MAF: variants seen among roughly 807,000 people sequenced by gnomAD.
The protein encoded by MAF is MAF bZIP transcription factor.
A neutral mutation model predicts 22.0 loss-of-function variants in MAF; 10 were observed. The ratio of observed to expected loss-of-function variants is 0.45; its 90% CI spans 0.28 to 0.77. The LOEUF is 0.77. Among genes scored for constraint, MAF ranks in the 30% least tolerant of loss-of-function variants. MAF has a pLI of 0.12. For synonymous variants in MAF, 337 were observed against 255.8 expected, an observed-to-expected ratio of 1.32 and a Z score of -3.03; for missense variants, 544 against 548.4, an observed-to-expected ratio of 0.99 and a Z score of 0.08.
the MAF span, among the ~76,000 whole-genome samples, chr16:79,457,693 G>A: frequency 2.6e-5 from 4 of 152,220 alleles, no homozygotes; most frequent in South Asian, 8.3e-4. Context: ...TACAGAATCA[G>A]TTAGTTTACA....
At chr16:79,502,726 T>TATATAC in the MAF span, among the ~76,000 whole-genome samples, 1 of 101,644 alleles carries the variant, frequency 9.8e-6, no homozygotes, top group Non-Finnish European at 1.8e-5. Flanking sequence ...TATATATATA[T>TATATAC]ATATATATAT....
chr16:79,429,006 T>C, the MAF span, among the ~76,000 whole-genome samples: 2 of 152,080 alleles, frequency 1.3e-5, no homozygotes, highest in Non-Finnish European at 2.9e-5. Context: ...CTGGAAATAG[T>C]TCATTTCGAG....
the MAF span, among the ~76,000 whole-genome samples, chr16:79,553,448 T>G: frequency 6.6e-6 from 1 of 152,234 alleles, no homozygotes; most frequent in Admixed American, 6.5e-5. Flanking sequence ...AGATGCCTGC[T>G]TTTGGGGGAG....
the MAF span, among the ~76,000 whole-genome samples, chr16:79,507,953 G>A: frequency 3.3e-5 from 5 of 152,114 alleles, no homozygotes; most frequent in South Asian, 2.1e-4. Flanking sequence ...TTCTTTTTAA[G>A]TGGGGGAAAG....
At chr16:79,454,675 C>A in the MAF span, among the ~76,000 whole-genome samples, 1 of 152,180 alleles carries the variant, frequency 6.6e-6, no homozygotes, top group African/African-American at 2.4e-5. Flanking sequence ...CACACCTGTT[C>A]TTTCAAACAT....
chr16:79,526,357 G>A, the MAF span, among the ~76,000 whole-genome samples: 3 of 152,176 alleles, frequency 2.0e-5, no homozygotes, highest in African/African-American at 4.8e-5. Context: ...GTGCACCTAT[G>A]AGAATCTGAT....
the MAF span, among the ~76,000 whole-genome samples, chr16:79,307,379 C>G: frequency 4.3e-4 from 65 of 152,308 alleles, no homozygotes; most frequent in East Asian, 0.012. Context: ...AGGCACAGCC[C>G]GGGTCCCTGG....
At chr16:79,470,260 C>T in the MAF span, among the ~76,000 whole-genome samples, 1 of 152,200 alleles carries the variant, frequency 6.6e-6, no homozygotes, top group African/African-American at 2.4e-5. Context: ...CTCTGAACCC[C>T]AACACTTGCC....
chr16:79,526,639 C>CG, the MAF span, among the ~76,000 whole-genome samples: 1 of 151,996 alleles, frequency 6.6e-6, no homozygotes, highest in Non-Finnish European at 1.5e-5. Flanking sequence ...AACAGGCTTT[C>CG]CGGGGCAAAA....
chr16:79,570,011 C>CTTTTTT, the MAF span, among the ~76,000 whole-genome samples: 4 of 116,958 alleles, frequency 3.4e-5, no homozygotes, highest in Non-Finnish European at 7.1e-5. Flanking sequence ...TGTCTTTGTT[C>CTTTTTT]TTTTTTTTTT....
the MAF span, among the ~76,000 whole-genome samples, chr16:79,288,483 A>C: frequency 6.6e-6 from 1 of 152,152 alleles, no homozygotes; most frequent in Non-Finnish European, 1.5e-5. Flanking sequence ...GAGTCATCAC[A>C]GTTTAGCTCC....
the MAF span, among the ~76,000 whole-genome samples, chr16:79,272,014 G>A: frequency 1.3e-5 from 2 of 152,088 alleles, no homozygotes; most frequent in Non-Finnish European, 2.9e-5. Flanking sequence ...AAATAGGTCC[G>A]TTCACACAAA....
At chr16:79,374,361 T>G in the MAF span, among the ~76,000 whole-genome samples, 1 of 152,216 alleles carries the variant, frequency 6.6e-6, no homozygotes, top group Non-Finnish European at 1.5e-5. Context: ...ATGAGCTCTG[T>G]AGAATTTTCC....
the MAF span, among the ~76,000 whole-genome samples, chr16:79,502,455 C>A: frequency 6.6e-6 from 1 of 151,914 alleles, no homozygotes; most frequent in African/African-American, 2.4e-5. Context: ...GGCTTGAGGT[C>A]ACAAATTCGA....
At chr16:79,307,585 C>T in the MAF span, among the ~76,000 whole-genome samples, 15 of 152,188 alleles carry the variant, frequency 9.9e-5, no homozygotes, top group African/African-American at 3.4e-4. Context: ...GAGTTCACTG[C>T]TACCCTTTAC....
the MAF span, among the ~76,000 whole-genome samples, chr16:79,220,535 A>C: frequency 2.4e-4 from 36 of 152,330 alleles, no homozygotes; most frequent in African/African-American, 7.9e-4. Flanking sequence ...TATCTAGCGA[A>C]CAGATAGATA....
rs1442977457 is a variant in MAF, at chr16:79,600,286, T to C, written c.-384A>G. 3 of 220,424 alleles carry C rather than the reference T, an allele frequency of 1.4e-5. No homozygotes were observed. Among genetic ancestry groups the C allele is most frequent in the Non-Finnish European group, 1.9e-5 (2 of 103,846 alleles). The allele number at this position is 220,424 out of a possible 1,614,324, so 13.7% of individuals were successfully genotyped here. A position where few individuals can be genotyped will look rare whatever the true frequency, so the allele number is the denominator to read the frequency against. ...GAGGAGCCCGGCCCGGTGCGCGGCGTCCCCCGCTCGCCGCTCCGCTGCGCG... is the reference window on the plus strand; with the variant it reads ...GAGGAGCCCGGCCCGGTGCGCGGCGCCCCCCGCTCGCCGCTCCGCTGCGCG... On this transcript the variant is annotated 5_prime_UTR_variant, in exon 1 of 2. Coordinates refer to ENST00000326043, the MANE Select transcript of MAF (RefSeq NM_005360.5).
chr16:79,466,646 A>C, the MAF span, among the ~76,000 whole-genome samples: 1 of 152,210 alleles, frequency 6.6e-6, no homozygotes, highest in African/African-American at 2.4e-5. Context: ...TGATTTTCAA[A>C]TGTTCTGCAC....
At chr16:79,345,494 G>A in the MAF span, among the ~76,000 whole-genome samples, 2 of 152,088 alleles carry the variant, frequency 1.3e-5, no homozygotes, top group African/African-American at 4.8e-5. Context: ...TTGGGAGGCT[G>A]AGGTGGGTGG....
Sources: allele counts gnomAD v4.1 joint callset (sites outside exome capture counted in the v4.1 genomes callset), GRCh38; gene constraint gnomAD v4.1.1; transcripts MANE v1.5; gene names NCBI Gene and HGNC (gene_info 2026-07-23, HGNC 2026-07-21).